The following ZBTB20 variants were observed in gnomAD, a reference collection of about 807,000 sequenced individuals.
The protein encoded by ZBTB20 is zinc finger and BTB domain containing 20, also known as zinc finger and BTB domain-containing protein 20.
In ZBTB20, 9 loss-of-function variants were observed where a neutral mutation model predicts 56.9. The observed-to-expected ratio is 0.16, with a 90% CI of 0.10 to 0.28. The LOEUF is 0.28. Ranked by LOEUF, ZBTB20 falls within the 10% of genes least tolerant of loss-of-function variation. The probability of loss-of-function intolerance (pLI) is 1.00; values close to 1 mark genes in which losing one functional copy is unlikely to be tolerated. For synonymous variants in ZBTB20, 417 were observed against 420.7 expected, an observed-to-expected ratio of 0.99 and a Z score of 0.11; for missense variants, 655 against 1,003.0, an observed-to-expected ratio of 0.65 and a Z score of 4.69.
intron 6 of ZBTB20, among the ~76,000 whole-genome samples, chr3:114,602,666 T>C (rs1336219373): frequency 1.3e-5 from 2 of 152,008 alleles, no homozygotes; most frequent in African/African-American, 4.8e-5. Flanking sequence ...AAGAGATACC[T>C]ATTGAAAGAC....
intron 1 of ZBTB20, among the ~76,000 whole-genome samples, chr3:115,137,186 A>C (rs2084673677): frequency 6.6e-6 from 1 of 152,242 alleles, no homozygotes; most frequent in East Asian, 1.9e-4. Flanking sequence ...GTAAAGACAC[A>C]TAAGGGATGG....
At chr3:114,911,937 T>A (rs765891468) in intron 3 of ZBTB20, among the ~76,000 whole-genome samples, 1 of 151,284 alleles carries the variant, frequency 6.6e-6, no homozygotes, top group African/African-American at 2.4e-5. Context: ...CCAAGAGAGA[T>A]CCCAAACAGG....
At chr3:114,387,661 T>C (rs2085312449) in intron 8 of ZBTB20, 1 of 152,228 alleles carries the variant, frequency 6.6e-6, no homozygotes, top group African/African-American at 2.4e-5. Context: ...GGCTGTGTTA[T>C]CTGTATCAGC....
At chr3:114,775,618 G>A (rs1244985397) in intron 5 of ZBTB20, among the ~76,000 whole-genome samples, 2 of 151,722 alleles carry the variant, frequency 1.3e-5, no homozygotes, top group East Asian at 3.9e-4. Flanking sequence ...GGACCCTCTG[G>A]GCTGCACACG....
intron 6 of ZBTB20, among the ~76,000 whole-genome samples, chr3:114,530,077 C>G (rs867396891): frequency 6.6e-6 from 1 of 152,328 alleles, no homozygotes; most frequent in East Asian, 1.9e-4. Flanking sequence ...CATAACATCA[C>G]AGCACAATTA....
intron 7 of ZBTB20, among the ~76,000 whole-genome samples, chr3:114,444,190 T>G (rs558056178): frequency 6.6e-6 from 1 of 152,274 alleles, no homozygotes; most frequent in African/African-American, 2.4e-5. Flanking sequence ...TACAGGAATA[T>G]TTCTACAAAG....
chr3:114,574,037 T>C (rs1333628531), intron 6 of ZBTB20, among the ~76,000 whole-genome samples: 1 of 152,178 alleles, frequency 6.6e-6, no homozygotes, highest in African/African-American at 2.4e-5. Flanking sequence ...TATATTTATT[T>C]GTATCTTTTG....
chr3:114,361,784 C>T (rs570594955), intron 10 of ZBTB20, among the ~76,000 whole-genome samples: 1 of 152,288 alleles, frequency 6.6e-6, no homozygotes, highest in African/African-American at 2.4e-5. Context: ...CATACAGCTC[C>T]AGTTGGGGTA....
At chr3:114,856,294 A>T (rs1337324634) in intron 4 of ZBTB20, among the ~76,000 whole-genome samples, 1 of 152,184 alleles carries the variant, frequency 6.6e-6, no homozygotes, top group African/African-American at 2.4e-5. Flanking sequence ...TATTATTATG[A>T]TTATGCCCAT....
intron 7 of ZBTB20, among the ~76,000 whole-genome samples, chr3:114,393,551 C>T (rs946981696): frequency 1.2e-4 from 19 of 152,136 alleles, no homozygotes; most frequent in African/African-American, 3.6e-4. Flanking sequence ...CACACCTGAG[C>T]GTCTATTAAT....
At position 114,676,771 on chromosome 3, in the gene ZBTB20, A is replaced by ATTT. The variant is rs397873968; in HGVS notation, c.-295+16754_-295+16756dup. ...TCCCTCTAAGCCTCTGAACTAGGGG[A>ATTT]TTTTTTTTTTTTTTTTTTTTTGGAG... On this transcript the variant is annotated intron_variant, in intron 6 of 11. Coordinates refer to ENST00000675478, the MANE Select transcript of ZBTB20 (RefSeq NM_001348800.3). Among the ~76,000 whole-genome samples the ATTT allele has an allele frequency of 6.5e-5, 8 of 123,318 alleles. 1 individual carries two copies. Among genetic ancestry groups the ATTT allele is most frequent in the Admixed American group, 8.2e-5 (1 of 12,132 alleles). The allele number at this position is 123,318 out of a possible 152,430, so 80.9% of individuals were successfully genotyped here. A position where few individuals can be genotyped will look rare whatever the true frequency, so the allele number is the denominator to read the frequency against.
intron 6 of ZBTB20, among the ~76,000 whole-genome samples, chr3:114,571,541 T>C (rs1158199580): frequency 6.6e-6 from 1 of 152,172 alleles, no homozygotes; most frequent in African/African-American, 2.4e-5. Context: ...GGAAAGCTTC[T>C]GTTAACAAAG....
intron 11 of ZBTB20, among the ~76,000 whole-genome samples, chr3:114,347,168 T>C (rs1044172195): frequency 7.3e-6 from 1 of 137,492 alleles, no homozygotes; most frequent in Non-Finnish European, 1.5e-5. Flanking sequence ...TCTTCCCGCC[T>C]CAGCCTCCTG....
chr3:114,386,468 T>C (rs2085141015), intron 8 of ZBTB20, among the ~76,000 whole-genome samples: 3 of 152,188 alleles, frequency 2.0e-5, no homozygotes, highest in Admixed American at 2.0e-4. Flanking sequence ...CACCAGGTAC[T>C]AGCAATAGTA....
At chr3:115,065,128 T>G (rs12330843) in intron 2 of ZBTB20, among the ~76,000 whole-genome samples, 54,434 of 151,938 alleles carry the variant, frequency 0.36, 11,351 homozygotes, top group Non-Finnish European at 0.49. Flanking sequence ...TCTCCTATTT[T>G]CCATTTATTT....
intron 10 of ZBTB20, among the ~76,000 whole-genome samples, chr3:114,364,663 T>C (rs536907682): frequency 6.6e-6 from 1 of 152,284 alleles, no homozygotes; most frequent in African/African-American, 2.4e-5. Context: ...CAATACACAA[T>C]AGCCAGGTCA....
At chr3:114,888,855 GTTAA>G (rs2076702789) in intron 4 of ZBTB20, among the ~76,000 whole-genome samples, 1 of 152,030 alleles carries the variant, frequency 6.6e-6, no homozygotes, top group Non-Finnish European at 1.5e-5. Context: ...CAACATTTTA[GTTAA>G]TTTTCAATAT....
intron 6 of ZBTB20, among the ~76,000 whole-genome samples, chr3:114,637,248 T>C (rs116667490): frequency 0.017 from 2,524 of 152,216 alleles, 67 homozygotes; most frequent in African/African-American, 0.057. Context: ...TCCAATACAC[T>C]ACTTTTTATT....
intron 10 of ZBTB20, among the ~76,000 whole-genome samples, chr3:114,360,344 CTTT>C (rs11295159): frequency 4.0e-4 from 45 of 111,758 alleles, no homozygotes; most frequent in Non-Finnish European, 5.2e-4. Context: ...GCAAGATTTT[CTTT>C]TTTTTTTTTT....
Sources: gnomAD v4.1 joint callset for allele counts (sites outside exome capture counted in the v4.1 genomes callset) on GRCh38, gnomAD v4.1.1 for gene constraint, MANE v1.5 for transcripts, NCBI Gene and HGNC (gene_info 2026-07-23, HGNC 2026-07-21) for gene names.